Variants in PRKCH observed in about 807,000 individuals in gnomAD.
PRKCH encodes protein kinase C eta.
Under a neutral mutation model 82.5 loss-of-function variants are expected in PRKCH, and 28 were observed. The ratio of observed to expected loss-of-function variants is 0.34; its 90% CI spans 0.25 to 0.47. PRKCH has a LOEUF of 0.47. Among genes scored for constraint, PRKCH ranks in the 20% least tolerant of loss-of-function variants. PRKCH has a pLI of 1.00. For missense variants in PRKCH, 705 were observed against 881.8 expected, an observed-to-expected ratio of 0.80 and a Z score of 2.54; for synonymous variants, 322 against 327.4, an observed-to-expected ratio of 0.98 and a Z score of 0.18.
intron 3 of PRKCH, among the ~76,000 whole-genome samples, chr14:61,443,511 AAACTGGTC>A (rs1318799538): frequency 1.3e-5 from 2 of 152,224 alleles, no homozygotes; most frequent in African/African-American, 4.8e-5. Context: ...AATGAATCCT[AAACTGGTC>A]AACAAGCATA....
intron 1 of PRKCH, among the ~76,000 whole-genome samples, chr14:61,237,647 C>T (rs1380646211): frequency 1.3e-5 from 2 of 152,230 alleles, no homozygotes; most frequent in Admixed American, 1.3e-4. Context: ...AATCAATCGT[C>T]AATCGGAAAA....
intron 11 of PRKCH, 43 bp downstream of exon 11, chr14:61,529,256 C>T: frequency 6.4e-7 from 1 of 1,562,080 alleles, no homozygotes; most frequent in East Asian, 2.3e-5. Context: ...CTGAGCTCTC[C>T]AGTAACTCTG....
At position 61,280,260 on chromosome 14, in the gene PRKCH, G is replaced by T. The variant is rs1566804585; in HGVS notation, c.-19+92592G>T. 9.9e-6 allele frequency: 16 copies of T among 1,614,054 alleles called. No individual in the cohort carries two copies. The highest frequency in any genetic ancestry group is 1.4e-5 in the Non-Finnish European group (16 of 1,180,000). ...TGAAGATGAGGAGCTTGTGGCCGCC[G>T]AACGCGCGCACCGGGTAGTTGTAGG... On this transcript the variant is annotated intron_variant, in intron 1 of 3. Transcript: ENST00000555185. This position sits in a 1 kb window ranked among gnomAD's most constrained non-coding sequence, Gnocchi z 5.0.
chr14:61,237,173 G>T (rs574707192), intron 1 of PRKCH, among the ~76,000 whole-genome samples: 1 of 151,520 alleles, frequency 6.6e-6, no homozygotes, highest in South Asian at 2.1e-4. Context: ...AACCCAGGAG[G>T]TGGAAGTTGC....
intron 1 of PRKCH, among the ~76,000 whole-genome samples, chr14:61,353,229 G>A (rs2046105352): frequency 6.6e-6 from 1 of 152,160 alleles, no homozygotes; most frequent in Non-Finnish European, 1.5e-5. Context: ...TTCTTGAGTG[G>A]AGAAGTAGGG....
At chr14:61,455,576 A>G (rs1320534468) in intron 7 of PRKCH, among the ~76,000 whole-genome samples, 2 of 152,230 alleles carry the variant, frequency 1.3e-5, no homozygotes, top group Non-Finnish European at 2.9e-5. Flanking sequence ...TGCATGGGAC[A>G]GTTATCCCTG....
chr14:61,455,491 A>T (rs1290235408), intron 7 of PRKCH, among the ~76,000 whole-genome samples: 1 of 152,212 alleles, frequency 6.6e-6, no homozygotes, highest in Non-Finnish European at 1.5e-5. Context: ...TTATGTAAAA[A>T]AATGTATTTG....
intron 2 of PRKCH, among the ~76,000 whole-genome samples, chr14:61,437,647 G>A (rs1869511399): frequency 6.6e-6 from 1 of 152,050 alleles, no homozygotes; most frequent in African/African-American, 2.4e-5. Context: ...AGGAGACCTG[G>A]TGTTAATAAA....
chr14:61,200,790 T>C (rs1021010985), intron 1 of PRKCH, among the ~76,000 whole-genome samples: 1 of 152,190 alleles, frequency 6.6e-6, no homozygotes, highest in African/African-American at 2.4e-5. Context: ...TTATTATTAT[T>C]GTTAATCTCT....
chr14:61,441,121 A>T (rs754163269), intron 2 of PRKCH, among the ~76,000 whole-genome samples: 5 of 151,992 alleles, frequency 3.3e-5, no homozygotes, highest in African/African-American at 1.2e-4. Context: ...CTGGTCTCCA[A>T]TTCCTAGGCT....
chr14:61,402,380 G>A (rs952514948), intron 2 of PRKCH, among the ~76,000 whole-genome samples: 1 of 152,208 alleles, frequency 6.6e-6, no homozygotes, highest in Non-Finnish European at 1.5e-5. Context: ...AAGAATATCT[G>A]CAATTATCTG....
At chr14:61,212,805 A>G (rs1429635331) in intron 1 of PRKCH, among the ~76,000 whole-genome samples, 11 of 152,234 alleles carry the variant, frequency 7.2e-5, no homozygotes, top group Admixed American at 7.2e-4. Flanking sequence ...TTAAACAGAT[A>G]AATTGCAAGA....
intron 1 of PRKCH, among the ~76,000 whole-genome samples, chr14:61,355,987 A>G (rs2046142460): frequency 6.6e-6 from 1 of 152,216 alleles, no homozygotes; most frequent in Non-Finnish European, 1.5e-5. Flanking sequence ...GGAAGCCTGG[A>G]AAACAGCCTG....
intron 1 of PRKCH, among the ~76,000 whole-genome samples, chr14:61,192,728 G>C (rs1199375186): frequency 6.6e-6 from 1 of 152,182 alleles, no homozygotes; most frequent in African/African-American, 2.4e-5. Context: ...ATGGTCAATT[G>C]GCCATTTGGC....
At chr14:61,343,901 T>TTCTTCAGC (rs1480990004) in intron 1 of PRKCH, among the ~76,000 whole-genome samples, 1 of 152,220 alleles carries the variant, frequency 6.6e-6, no homozygotes, top group Non-Finnish European at 1.5e-5. Context: ...TGACAGTCAG[T>TTCTTCAGC]TCTTCAGCTC....
intron 2 of PRKCH, among the ~76,000 whole-genome samples, chr14:61,427,483 G>C (rs1414173855): frequency 6.6e-6 from 1 of 152,110 alleles, no homozygotes; most frequent in East Asian, 1.9e-4. Context: ...GATTCTTTAC[G>C]GATGCAAATT....
intron 10 of PRKCH, among the ~76,000 whole-genome samples, chr14:61,496,946 T>C (rs1345938675): frequency 6.6e-6 from 1 of 152,324 alleles, no homozygotes; most frequent in East Asian, 1.9e-4. Flanking sequence ...TTGATTGTCT[T>C]ATTCTGGCCC....
At chr14:61,483,326 C>A (rs1886066490) in intron 9 of PRKCH, among the ~76,000 whole-genome samples, 1 of 152,204 alleles carries the variant, frequency 6.6e-6, no homozygotes, top group Non-Finnish European at 1.5e-5. Context: ...CTTGTCCCAC[C>A]CAATTCTGCC....
intron 1 of PRKCH, among the ~76,000 whole-genome samples, chr14:61,242,994 C>G (rs927649341): frequency 4.6e-5 from 7 of 152,022 alleles, no homozygotes; most frequent in Non-Finnish European, 1.0e-4. Flanking sequence ...AATAAATACA[C>G]AAATAATTAA....
Sources: allele counts gnomAD v4.1 joint callset (sites outside exome capture counted in the v4.1 genomes callset), GRCh38; gene constraint gnomAD v4.1.1; non-coding constraint Gnocchi (gnomAD v3.1); transcripts MANE v1.5; gene names NCBI Gene and HGNC (gene_info 2026-07-23, HGNC 2026-07-21).